The following CSMD1 variants were observed in gnomAD, a reference collection of about 807,000 sequenced individuals.
The protein encoded by CSMD1 is CUB and Sushi multiple domains 1.
In CSMD1, 213 loss-of-function variants were observed where a neutral mutation model predicts 417.5. The observed-to-expected ratio is 0.51, with a 90% CI of 0.46 to 0.57. CSMD1 has a LOEUF of 0.57. Ranked by LOEUF, CSMD1 falls within the 20% of genes least tolerant of loss-of-function variation. The pLI, the probability that CSMD1 is intolerant of heterozygous loss-of-function variation, is 0.00. For missense variants in CSMD1, 6,923 were observed against 4,529.7 expected, an observed-to-expected ratio of 1.53 and a Z score of -15.17; for synonymous variants, 2,862 against 1,736.8, an observed-to-expected ratio of 1.65 and a Z score of -16.11.
At chr8:4,558,315 G>T (rs191793661) in intron 2 of CSMD1, among the ~76,000 whole-genome samples, 4 of 152,170 alleles carry the variant, frequency 2.6e-5, no homozygotes, top group African/African-American at 9.6e-5. Flanking sequence ...TTAACCACTT[G>T]ATTCTTCACT....
chr8:4,859,735 G>C (rs1180942353), intron 1 of CSMD1, among the ~76,000 whole-genome samples: 2 of 151,894 alleles, frequency 1.3e-5, no homozygotes, highest in African/African-American at 4.8e-5. Context: ...AGTTAGAATG[G>C]CAATCATTAA....
chr8:3,334,415 G>A (rs1807110574), intron 23 of CSMD1, among the ~76,000 whole-genome samples: 1 of 152,048 alleles, frequency 6.6e-6, no homozygotes, highest in Admixed American at 6.5e-5. Context: ...CCTGTCCAAA[G>A]CCACTCTCTC....
At position 3,819,562 on chromosome 8, in the gene CSMD1, G is replaced by T. The variant is rs992282755; in HGVS notation, c.819-65520C>A. On this transcript the variant is annotated intron_variant, in intron 5 of 69. Transcript: ENST00000635120. ...CACACACACACACACACACACACAC[G>T]TATGTATATAAACGCCAACATGCGT... Among the ~76,000 whole-genome samples the T allele has an allele frequency of 1.3e-3, 10 of 7,620 alleles. No homozygotes were observed. In the East Asian group the frequency reaches 0.048, roughly 37 times the overall value. The allele number at this position is 7,620 out of a possible 152,430, so 5.0% of individuals were successfully genotyped here. A position where few individuals can be genotyped will look rare whatever the true frequency, so the allele number is the denominator to read the frequency against.
At chr8:3,098,162 A>G (rs1178270587) in intron 46 of CSMD1, among the ~76,000 whole-genome samples, 2 of 152,238 alleles carry the variant, frequency 1.3e-5, no homozygotes, top group African/African-American at 4.8e-5. Flanking sequence ...GTTCAAAAAT[A>G]AAAAATGTAT....
rs73180910 is a variant in CSMD1, at chr8:4,483,360, G to A, written c.303-63295C>T. On this transcript the variant is annotated intron_variant, in intron 2 of 69. Transcript: ENST00000635120. Reference sequence around the variant, plus strand: ...ATGAAAATGAACAAATACACCAGTAGATAAATTATTTTGCTTAATGCTGCT... The same window carrying A: ...ATGAAAATGAACAAATACACCAGTAAATAAATTATTTTGCTTAATGCTGCT... Among the ~76,000 whole-genome samples the A allele has an allele frequency of 5.8e-3, 881 of 152,284 alleles. 8 individuals carry two copies. The highest frequency in any genetic ancestry group is 0.01 in the Middle Eastern group (3 of 294).
intron 5 of CSMD1, among the ~76,000 whole-genome samples, chr8:3,972,022 T>A (rs1463154835): frequency 2.0e-5 from 3 of 151,998 alleles, no homozygotes; most frequent in Non-Finnish European, 2.9e-5. Flanking sequence ...TCCTCCTGCA[T>A]CAACCTCCTA....
rs532289653 is a variant in CSMD1 at position 4,731,898 on chromosome 8, T to A, written c.86-94340A>T. Among the ~76,000 whole-genome samples the A allele has an allele frequency of 1.8e-4, 28 of 152,248 alleles. No individual in the cohort carries two copies. In the South Asian group the frequency reaches 5.8e-3, roughly 32 times the overall value. ...TTATTCTAACTGTCTCTTCTAATATTACATTCTTATAGGGCCAAAGATAAA... is the reference window on the plus strand; with the variant it reads ...TTATTCTAACTGTCTCTTCTAATATAACATTCTTATAGGGCCAAAGATAAA... On this transcript the variant is annotated intron_variant, in intron 1 of 69. Transcript: ENST00000635120.
chr8:4,377,500 C>G (rs939569793), intron 3 of CSMD1, among the ~76,000 whole-genome samples: 1 of 152,098 alleles, frequency 6.6e-6, no homozygotes, highest in African/African-American at 2.4e-5. Context: ...TAAAGGTTCT[C>G]CAAAGATCAC....
At chr8:3,721,033 C>T (rs770851534) in intron 6 of CSMD1, among the ~76,000 whole-genome samples, 6 of 151,960 alleles carry the variant, frequency 3.9e-5, no homozygotes, top group African/African-American at 7.3e-5. Context: ...ATGTTAGTCA[C>T]GCTGGTCTCA....
intron 5 of CSMD1, among the ~76,000 whole-genome samples, chr8:3,852,349 T>C (rs1803970589): frequency 6.6e-6 from 1 of 151,950 alleles, no homozygotes; most frequent in Admixed American, 6.6e-5. Flanking sequence ...AAGGAAGCAG[T>C]GCAGGATAAG....
intron 7 of CSMD1, among the ~76,000 whole-genome samples, chr8:3,677,248 G>C (rs988224149): frequency 1.3e-5 from 2 of 152,128 alleles, no homozygotes; most frequent in East Asian, 3.8e-4. Context: ...AAGATTAATA[G>C]CATGCATCGA....
chr8:4,993,906 CG>C (rs1389614236), intron 1 of CSMD1, among the ~76,000 whole-genome samples: 1 of 152,078 alleles, frequency 6.6e-6, no homozygotes, highest in Non-Finnish European at 1.5e-5. Context: ...CGGCTTCACC[CG>C]GGACGCTTTC....
chr8:3,394,848 T>A (rs150383717), intron 17 of CSMD1, among the ~76,000 whole-genome samples: 58 of 152,318 alleles, frequency 3.8e-4, no homozygotes, highest in African/African-American at 1.4e-3. Context: ...TATCTATATA[T>A]GTGAAGAGTA....
intron 49 of CSMD1, among the ~76,000 whole-genome samples, chr8:3,061,914 G>T (rs1812613380): frequency 6.6e-6 from 1 of 152,022 alleles, no homozygotes; most frequent in South Asian, 2.1e-4. Context: ...ACTAGTAAAC[G>T]GCTCTGTGAG....
At chr8:3,825,759 A>C (rs2129084944) in intron 5 of CSMD1, among the ~76,000 whole-genome samples, 1 of 152,278 alleles carries the variant, frequency 6.6e-6, no homozygotes, top group East Asian at 1.9e-4. Flanking sequence ...GGGCCACATG[A>C]ACTGTGGAAA....
At chr8:4,864,086 A>T (rs1197528277) in intron 1 of CSMD1, among the ~76,000 whole-genome samples, 2 of 152,014 alleles carry the variant, frequency 1.3e-5, no homozygotes, top group Non-Finnish European at 2.9e-5. Flanking sequence ...GTGTAATTAT[A>T]TAACTCAGTC....
intron 2 of CSMD1, among the ~76,000 whole-genome samples, chr8:4,634,552 A>C (rs1802715265): frequency 6.6e-6 from 1 of 152,194 alleles, no homozygotes; most frequent in African/African-American, 2.4e-5. Flanking sequence ...TCTAAGCAAT[A>C]ACTTTTGTGA....
At chr8:4,825,121 G>C (rs752027297) in intron 1 of CSMD1, among the ~76,000 whole-genome samples, 1 of 152,022 alleles carries the variant, frequency 6.6e-6, no homozygotes, top group Non-Finnish European at 1.5e-5. Flanking sequence ...ACAAATCAAG[G>C]TAATTTTAGA....
At chr8:3,083,296 A>T (rs1360684525) in intron 49 of CSMD1, among the ~76,000 whole-genome samples, 1 of 151,948 alleles carries the variant, frequency 6.6e-6, no homozygotes, top group Non-Finnish European at 1.5e-5. Context: ...AATTAAAATT[A>T]CTAATTAAGA....
Sources: allele counts gnomAD v4.1 joint callset (sites outside exome capture counted in the v4.1 genomes callset), GRCh38; gene constraint gnomAD v4.1.1; transcripts MANE v1.5; gene names NCBI Gene and HGNC (gene_info 2026-07-23, HGNC 2026-07-21).